NCOA2: variants seen among roughly 807,000 people sequenced by gnomAD.
NCOA2 encodes class E basic helix-loop-helix protein 75.
In NCOA2, 21 loss-of-function variants were observed where a neutral mutation model predicts 145.1. That is an observed-to-expected ratio of 0.14 (90% CI 0.10 to 0.21). The LOEUF is 0.21. Ranked by LOEUF, NCOA2 falls within the 10% of genes least tolerant of loss-of-function variation. The probability of loss-of-function intolerance (pLI) is 1.00; values close to 1 mark genes in which losing one functional copy is unlikely to be tolerated. For synonymous variants in NCOA2, 619 were observed against 637.5 expected, an observed-to-expected ratio of 0.97 and a Z score of 0.44; for missense variants, 1,472 against 1,837.6, an observed-to-expected ratio of 0.80 and a Z score of 3.64.
intron 1 of NCOA2, among the ~76,000 whole-genome samples, chr8:70,396,242 T>C (rs1440184398): frequency 2.0e-5 from 3 of 152,238 alleles, no homozygotes; most frequent in African/African-American, 7.2e-5. Context: ...TTCTATCCTT[T>C]CTAAGCCTAT....
At chr8:70,151,325 T>C (rs943458049) in intron 11 of NCOA2, among the ~76,000 whole-genome samples, 7 of 151,918 alleles carry the variant, frequency 4.6e-5, no homozygotes, top group Admixed American at 3.3e-4. Context: ...TCTCACTCTG[T>C]CACCCAGGCT....
intron 1 of NCOA2, among the ~76,000 whole-genome samples, chr8:70,333,708 A>G (rs1478365533): frequency 6.6e-6 from 1 of 152,160 alleles, no homozygotes; most frequent in African/African-American, 2.4e-5. Flanking sequence ...TTGTCAATTC[A>G]CCAGTCCTAA....
rs767588656 is a variant in NCOA2, at chr8:70,128,891, T to C, written c.3414A>G (p.Ala1138=). Residue 1138 remains alanine, a synonymous_variant, in exon 17 of 23, where the codon GCA becomes GCG. Coordinates refer to ENST00000452400, the MANE Select transcript of NCOA2 (RefSeq NM_006540.4). ...QKAPVFPQQY[A]SQAQMAQGSY... is the part of the protein sequence containing the mutation. ...TACCCTGGGCCATTTGTGCCTGAGA[T>C]GCATACTGCTGTGGGAAAACGGGCG... 3 of 1,613,890 alleles carry C rather than the reference T, an allele frequency of 1.9e-6. No individual in the cohort carries two copies. The highest frequency in any genetic ancestry group is 2.2e-5 in the East Asian group (1 of 44,876).
intron 2 of NCOA2, among the ~76,000 whole-genome samples, chr8:70,258,158 C>A (rs1586278078): frequency 6.6e-6 from 1 of 152,148 alleles, no homozygotes; most frequent in Non-Finnish European, 1.5e-5. Context: ...CTCAAGTGAT[C>A]CGCCAGCCTC....
chr8:70,233,618 TG>T (rs1290828714), intron 2 of NCOA2, among the ~76,000 whole-genome samples: 1 of 152,230 alleles, frequency 6.6e-6, no homozygotes, highest in Admixed American at 6.5e-5. Flanking sequence ...GCATACTGTA[TG>T]TTGTTACCAA....
intron 2 of NCOA2, among the ~76,000 whole-genome samples, chr8:70,279,005 G>T (rs1825680870): frequency 6.6e-6 from 1 of 151,448 alleles, no homozygotes; most frequent in Non-Finnish European, 1.5e-5. Context: ...TCATTTCCCT[G>T]TATCAATCCG....
the NCOA2 span, among the ~76,000 whole-genome samples, chr8:70,420,318 C>T: frequency 6.6e-6 from 1 of 152,278 alleles, no homozygotes; most frequent in South Asian, 2.1e-4. Flanking sequence ...TTATTTAAAC[C>T]TATTTATCCA....
At chr8:70,355,716 C>T (rs543933009) in intron 1 of NCOA2, among the ~76,000 whole-genome samples, 85 of 152,074 alleles carry the variant, frequency 5.6e-4, no homozygotes, top group Admixed American at 2.0e-4. Context: ...TTTCCTGTTA[C>T]CTACACACTC....
chr8:70,344,936 G>T (rs1640110357), intron 1 of NCOA2, among the ~76,000 whole-genome samples: 1 of 152,188 alleles, frequency 6.6e-6, no homozygotes, highest in South Asian at 2.1e-4. Flanking sequence ...TTCAAGTGTT[G>T]ACGCCCAAAC....
intron 11 of NCOA2, among the ~76,000 whole-genome samples, chr8:70,155,369 G>A (rs932691905): frequency 1.3e-5 from 2 of 152,176 alleles, no homozygotes; most frequent in African/African-American, 4.8e-5. Context: ...ATCTTAAAAA[G>A]AGAGAAAGGT....
intron 1 of NCOA2, among the ~76,000 whole-genome samples, chr8:70,357,726 G>C (rs888943261): frequency 6.6e-6 from 1 of 151,296 alleles, no homozygotes; most frequent in Non-Finnish European, 1.5e-5. Context: ...CTGGGCGACA[G>C]AGCAAGACTC....
intron 11 of NCOA2, 29 bp downstream of exon 11, chr8:70,155,942 C>T: frequency 6.6e-7 from 1 of 1,520,748 alleles, no homozygotes; most frequent in Non-Finnish European, 8.8e-7. Flanking sequence ...CAGATTAGTA[C>T]ACCTGCGAGA....
chr8:70,302,818 TA>T (rs531248916), intron 1 of NCOA2, among the ~76,000 whole-genome samples: 1 of 151,892 alleles, frequency 6.6e-6, no homozygotes, highest in African/African-American at 2.4e-5. Context: ...TCACTAAATG[TA>T]AAAAAAATTC....
intron 16 of NCOA2, among the ~76,000 whole-genome samples, chr8:70,129,859 G>A (rs1291274490): frequency 2.6e-5 from 4 of 152,126 alleles, no homozygotes; most frequent in East Asian, 1.9e-4. Context: ...TAGTGGAGAC[G>A]GGGTTTCTCC....
chr8:70,131,987 A>G lies in NCOA2; in HGVS notation c.3174T>C (p.Ser1058=). 1 of 1,612,510 alleles carries G rather than the reference A, an allele frequency of 6.2e-7. No individual in the cohort carries two copies. The highest frequency in any genetic ancestry group is 8.5e-7 in the Non-Finnish European group (1 of 1,179,344). ...GTGGACATAGCAAGTCATCTGGAGA[A>G]CTGCCAAATGGCTGCCTGTAAAGAC... ...FASQNRQPFG[S]SPDDLLCPHP... Residue 1058 remains serine (S), a synonymous_variant, in exon 16 of 23, where the codon AGT becomes AGC. Coordinates refer to ENST00000452400, the MANE Select transcript of NCOA2 (RefSeq NM_006540.4).
intron 1 of NCOA2, among the ~76,000 whole-genome samples, chr8:70,316,670 G>GTT (rs138670875): frequency 6.6e-6 from 1 of 152,096 alleles, no homozygotes; most frequent in South Asian, 2.1e-4. Context: ...AAACAGATCA[G>GTT]TTTTTTTCTG....
At chr8:70,175,736 C>T (rs187950176) in intron 4 of NCOA2, among the ~76,000 whole-genome samples, 18 of 152,308 alleles carry the variant, frequency 1.2e-4, no homozygotes, top group Non-Finnish European at 1.9e-4. Flanking sequence ...CACAAAACAA[C>T]GTGACAATTA....
At chr8:70,239,836 G>A (rs536615158) in intron 2 of NCOA2, among the ~76,000 whole-genome samples, 7 of 152,272 alleles carry the variant, frequency 4.6e-5, no homozygotes, top group East Asian at 1.9e-4. Flanking sequence ...AGAAATGAAT[G>A]AGCCAAAGTT....
chr8:70,214,368 A>G (rs1819367099), intron 3 of NCOA2, among the ~76,000 whole-genome samples: 1 of 152,250 alleles, frequency 6.6e-6, no homozygotes, highest in Non-Finnish European at 1.5e-5. Flanking sequence ...TTAGTGCAGT[A>G]CTTGAAACAA....
Sources: gnomAD v4.1 joint callset for allele counts (sites outside exome capture counted in the v4.1 genomes callset) on GRCh38, gnomAD v4.1.1 for gene constraint, MANE v1.5 for transcripts, NCBI Gene and HGNC (gene_info 2026-07-23, HGNC 2026-07-21) for gene names.